MACROD1: variants seen among roughly 807,000 people sequenced by gnomAD.
MACROD1 encodes the protein mono-ADP ribosylhydrolase 1.
MACROD1 carries 31 observed loss-of-function variants against 41.4 expected under a neutral mutation model. The ratio of observed to expected loss-of-function variants is 0.75; its 90% CI spans 0.56 to 1.01. MACROD1 has a LOEUF of 1.01. Ranked by LOEUF, MACROD1 falls within the 50% of genes least tolerant of loss-of-function variation. The pLI, the probability that MACROD1 is intolerant of heterozygous loss-of-function variation, is 0.00. For missense variants in MACROD1, 473 were observed against 460.0 expected (o/e 1.03, Z -0.26); for synonymous variants, 252 against 203.4 (o/e 1.24, Z -2.03).
At chr11:64,054,299 G>A (rs1347914375) in intron 3 of MACROD1, among the ~76,000 whole-genome samples, 1 of 152,202 alleles carries the variant, frequency 6.6e-6, no homozygotes, top group Non-Finnish European at 1.5e-5. Context: ...TTAGACAGAG[G>A]AAGAACTGCC....
At chr11:64,079,915 G>A (rs1944274091) in intron 3 of MACROD1, among the ~76,000 whole-genome samples, 1 of 152,144 alleles carries the variant, frequency 6.6e-6, no homozygotes, top group Non-Finnish European at 1.5e-5. Context: ...GAGGGAGGCA[G>A]GGTTGTATCA....
Position 64,000,266 on chromosome 11 carries a change from T to A in MACROD1, c.625A>T (p.Lys209Ter). The A allele has an allele frequency of 6.2e-7, 1 of 1,606,658 alleles. No individual in the cohort carries two copies. Among genetic ancestry groups the A allele is most frequent in the Non-Finnish European group, 8.5e-7 (1 of 1,177,250 alleles). Residue 209 changes from lysine (K) to a stop codon, truncating the protein, a stop_gained, in exon 5 of 11, where the codon AAG becomes TAG. Coordinates refer to ENST00000255681, the MANE Select transcript of MACROD1 (RefSeq NM_014067.4). LOFTEE classifies it high-confidence loss of function. Reference protein sequence around the residue: ...CRTLQSCKTGKAKITGGYRLP... With the variant: ...CRTLQSCKTG ...CGATAGCCGCCGGTGATCTTGGCCT[T>A]GCCAGTCTTACAGCTCTGCAGGGTC...
chr11:64,129,701 AC>A (rs747454917), intron 3 of MACROD1, among the ~76,000 whole-genome samples: 2 of 151,930 alleles, frequency 1.3e-5, no homozygotes, highest in Non-Finnish European at 2.9e-5. Context: ...TCCCCAAACC[AC>A]CCCCACAACA....
At position 64,166,112 on chromosome 11, in the gene MACROD1, T is replaced by C; in HGVS notation, c.-118A>G. 2 of 1,152,086 alleles carry C rather than the reference T, an allele frequency of 1.7e-6. No homozygotes were observed. Among genetic ancestry groups the C allele is most frequent in the Middle Eastern group, 3.3e-4 (1 of 3,046 alleles). The allele number at this position is 1,152,086 out of a possible 1,614,324, so 71.4% of individuals were successfully genotyped here. A position where few individuals can be genotyped will look rare whatever the true frequency, so the allele number is the denominator to read the frequency against. On this transcript the variant is annotated 5_prime_UTR_variant, in exon 1 of 11. Coordinates refer to ENST00000255681, the MANE Select transcript of MACROD1 (RefSeq NM_014067.4). ...CGACTGCCAGCCAGCGGCGACCTGC[T>C]CGGAGCCAGCGGGAGGCGCGGCCAG...
chr11:64,110,739 C>G (rs551969665), intron 3 of MACROD1, among the ~76,000 whole-genome samples: 3 of 152,296 alleles, frequency 2.0e-5, no homozygotes, highest in East Asian at 1.9e-4. Context: ...GAGGGATCCA[C>G]GCAAGGGCGA....
At chr11:64,160,534 G>C (rs1031120938) in intron 1 of MACROD1, among the ~76,000 whole-genome samples, 4 of 152,222 alleles carry the variant, frequency 2.6e-5, no homozygotes, top group Non-Finnish European at 5.9e-5. Context: ...GCCAGGCACA[G>C]TGGCACACAT....
Position 64,000,277 on chromosome 11 carries a change from C to G in MACROD1, c.614G>C (p.Cys205Ser), listed in dbSNP as rs763744495. Residue 205 changes from cysteine (C) to serine (S), a missense_variant, in exon 5 of 11, where the codon TGT becomes TCT. Physicochemically the swap from Cys to Ser is moderately radical, Grantham distance 112. Transcript: ENST00000255681. ...GGTGATCTTGGCCTTGCCAGTCTTA[C>G]AGCTCTGCAGGGTCCGGCACTCGTC... is the stretch of plus-strand genomic sequence containing the variant. ...LTDECRTLQS[C>S]KTGKAKITGG... 6.2e-7 allele frequency: 1 copy of G among 1,604,902 alleles called. No individual in the cohort carries two copies. The highest frequency in any genetic ancestry group is 8.5e-7 in the Non-Finnish European group (1 of 1,176,400).
At chr11:64,061,466 A>C (rs1943902466) in intron 3 of MACROD1, among the ~76,000 whole-genome samples, 1 of 151,948 alleles carries the variant, frequency 6.6e-6, no homozygotes, top group African/African-American at 2.4e-5. Flanking sequence ...TGGGCTTTCC[A>C]AGTCCCCTGC....
chr11:64,019,940 CCTCA>C (rs1203399159), intron 3 of MACROD1, among the ~76,000 whole-genome samples: 1 of 152,156 alleles, frequency 6.6e-6, no homozygotes, highest in African/African-American at 2.4e-5. Flanking sequence ...CCAGCCAACA[CCTCA>C]CTGAGAGGGC....
chr11:64,137,438 G>A (rs1945348442), intron 3 of MACROD1, among the ~76,000 whole-genome samples: 1 of 151,940 alleles, frequency 6.6e-6, no homozygotes, highest in African/African-American at 2.4e-5. Flanking sequence ...AGAAAGAAAA[G>A]AAGGCATTCA....
At chr11:64,159,306 G>A (rs1452169350) in intron 1 of MACROD1, among the ~76,000 whole-genome samples, 2 of 138,496 alleles carry the variant, frequency 1.4e-5, no homozygotes, top group Admixed American at 1.5e-4. Context: ...GTGACAGAGC[G>A]AGTCTCCGTC....
rs1279794565 is a variant in MACROD1 at position 64,153,925 on chromosome 11, C to A, written c.299-1532G>T. Among the ~76,000 whole-genome samples, 5 of 152,148 alleles carry A rather than the reference C, an allele frequency of 3.3e-5. No individual in the cohort carries two copies. The South Asian group carries it at 6.2e-4, about 19-fold the overall frequency. ...CCTCAAATAATCCCGTCCCCTCCCT[C>A]AACGCCCGCATTCCACGCCCCTGCA... On this transcript the variant is annotated intron_variant, in intron 1 of 10. Transcript: ENST00000255681.
At chr11:64,115,029 G>A (rs1034856704) in intron 3 of MACROD1, among the ~76,000 whole-genome samples, 3 of 152,164 alleles carry the variant, frequency 2.0e-5, no homozygotes, top group African/African-American at 4.8e-5. Flanking sequence ...CTGGCTCAGT[G>A]AGCAGGTGCC....
Position 64,024,208 on chromosome 11 carries a change from G to A in MACROD1, c.518-8927C>T, listed in dbSNP as rs1054150460. On this transcript the variant is annotated intron_variant, in intron 3 of 10. Coordinates refer to ENST00000255681, the MANE Select transcript of MACROD1 (RefSeq NM_014067.4). ...CTCGCTCATGGCGCAGACTCGGCTC[G>A]CCCCATTCCCATGGCCCTGAAGGAC... 1.8e-4 allele frequency among the ~76,000 whole-genome samples: 28 copies of A among 152,174 alleles called. 1 individual carries two copies. Among genetic ancestry groups the A allele is most frequent in the Admixed American group, 1.6e-3 (24 of 15,278 alleles).
At chr11:64,075,521 C>G (rs12293397) in intron 3 of MACROD1, among the ~76,000 whole-genome samples, 1 of 152,246 alleles carries the variant, frequency 6.6e-6, no homozygotes, top group African/African-American at 2.4e-5. Context: ...GGGCTCAAAC[C>G]GAGGGAACAG....
At chr11:64,150,235 C>T (rs1023452350) in intron 3 of MACROD1, among the ~76,000 whole-genome samples, 4 of 152,244 alleles carry the variant, frequency 2.6e-5, no homozygotes, top group African/African-American at 4.8e-5. Context: ...CAGAGATTAA[C>T]GGAAATGCTC....
intron 3 of MACROD1, among the ~76,000 whole-genome samples, chr11:64,102,938 G>C (rs1297151271): frequency 6.6e-6 from 1 of 152,254 alleles, no homozygotes; most frequent in East Asian, 1.9e-4. Flanking sequence ...GGGTGTGGTG[G>C]CTCACGCCTG....
chr11:64,045,477 G>T (rs1015775730), intron 3 of MACROD1, among the ~76,000 whole-genome samples: 1 of 152,224 alleles, frequency 6.6e-6, no homozygotes, highest in Admixed American at 6.5e-5. Flanking sequence ...TTTCTGCAGC[G>T]TGGGCCCTGC....
chr11:64,045,615 C>T (rs913978719), intron 3 of MACROD1, among the ~76,000 whole-genome samples: 1 of 152,164 alleles, frequency 6.6e-6, no homozygotes, highest in Admixed American at 6.5e-5. Context: ...GGGGTAGCCA[C>T]CTTGCTGCGT....
Sources: gnomAD v4.1 joint callset for allele counts (sites outside exome capture counted in the v4.1 genomes callset) on GRCh38, gnomAD v4.1.1 for gene constraint, MANE v1.5 for transcripts, NCBI Gene and HGNC (gene_info 2026-07-23, HGNC 2026-07-21) for gene names.